TAS2R1: variants seen among roughly 807,000 people sequenced by gnomAD.
The protein encoded by TAS2R1 is taste receptor type 2 member 1.
For synonymous variants in TAS2R1, 141 were observed against 134.2 expected, an observed-to-expected ratio of 1.05 and a Z score of -0.35; for missense variants, 370 against 353.4, an observed-to-expected ratio of 1.05 and a Z score of -0.38.
the TAS2R1 span, among the ~76,000 whole-genome samples, chr5:9,859,541 GT>G: frequency 6.6e-6 from 1 of 152,110 alleles, no homozygotes; most frequent in Admixed American, 6.5e-5. Context: ...TGATTATTGC[GT>G]TCTGCTCTTG....
the TAS2R1 span, among the ~76,000 whole-genome samples, chr5:9,844,186 G>C: frequency 6.6e-6 from 1 of 152,184 alleles, no homozygotes; most frequent in South Asian, 2.1e-4. Flanking sequence ...GGAGGGCTGA[G>C]ATCATGGAGA....
At chr5:9,830,334 T>C in the TAS2R1 span, among the ~76,000 whole-genome samples, 1 of 152,092 alleles carries the variant, frequency 6.6e-6, no homozygotes, top group African/African-American at 2.4e-5. Context: ...GGTAGGTAGA[T>C]AGTTGACAGA....
upstream of TAS2R1, among the ~76,000 whole-genome samples, chr5:9,716,720 G>A (rs1268053257): frequency 2.0e-5 from 3 of 151,998 alleles, no homozygotes; most frequent in African/African-American, 4.8e-5. Context: ...TCTTTGTACT[G>A]TAATCTATGA....
At position 9,638,632 on chromosome 5, in the gene TAS2R1, G is replaced by T. The variant is rs1310199457; in HGVS notation, c.-80-8640C>A. On this transcript the variant is annotated intron_variant, in intron 2 of 2. Coordinates refer to the TAS2R1 transcript ENST00000506620. ...GGGGCTGTAAGCTTGCCCTAAGATG[G>T]CCAGGGTAATTATTTTGGTTTCTCA... 3.9e-5 allele frequency among the ~76,000 whole-genome samples: 6 copies of T among 152,272 alleles called. No homozygotes were observed. In the South Asian group the frequency reaches 1.0e-3, roughly 26 times the overall value.
the TAS2R1 span, among the ~76,000 whole-genome samples, chr5:9,799,080 C>G: frequency 6.6e-6 from 1 of 152,212 alleles, no homozygotes; most frequent in African/African-American, 2.4e-5. Flanking sequence ...TGCAGCAGGA[C>G]AGTGCCTCCC....
At chr5:9,717,688 GA>G in the TAS2R1 span, among the ~76,000 whole-genome samples, 2 of 151,230 alleles carry the variant, frequency 1.3e-5, no homozygotes, top group African/African-American at 4.8e-5. Context: ...AGGAAAAGAT[GA>G]AAAAAAAGAA....
chr5:9,702,570 C>T (rs568521499), intron 1 of TAS2R1, among the ~76,000 whole-genome samples: 1 of 152,160 alleles, frequency 6.6e-6, no homozygotes, highest in Non-Finnish European at 1.5e-5. Flanking sequence ...CCGGCTGAGC[C>T]TGGCCTAAAT....
chr5:9,698,921 T>C (rs1349830841), intron 1 of TAS2R1, among the ~76,000 whole-genome samples: 1 of 152,194 alleles, frequency 6.6e-6, no homozygotes, highest in Non-Finnish European at 1.5e-5. Flanking sequence ...ATACAGCATA[T>C]AAAGCATATA....
the TAS2R1 span, among the ~76,000 whole-genome samples, chr5:9,730,688 T>C: frequency 3.9e-5 from 6 of 152,108 alleles, no homozygotes; most frequent in Admixed American, 1.3e-4. Context: ...CACCAGGGCA[T>C]GAAGAGTGGC....
At chr5:9,657,909 C>T (rs1740446897) in intron 2 of TAS2R1, among the ~76,000 whole-genome samples, 1 of 152,130 alleles carries the variant, frequency 6.6e-6, no homozygotes, top group Non-Finnish European at 1.5e-5. Context: ...TTTACTGTAA[C>T]TTAAACAACA....
intron 2 of TAS2R1, among the ~76,000 whole-genome samples, chr5:9,645,268 T>C (rs1740164805): frequency 6.6e-6 from 1 of 152,160 alleles, no homozygotes; most frequent in African/African-American, 2.4e-5. Flanking sequence ...CTTTAGAGAT[T>C]ATTAAGTTGA....
At chr5:9,743,825 G>A in the TAS2R1 span, among the ~76,000 whole-genome samples, 2 of 152,122 alleles carry the variant, frequency 1.3e-5, no homozygotes, top group Non-Finnish European at 2.9e-5. Flanking sequence ...CAAGTGAGGA[G>A]GAGGAGGAGA....
At chr5:9,877,656 T>C in the TAS2R1 span, among the ~76,000 whole-genome samples, 18 of 152,230 alleles carry the variant, frequency 1.2e-4, no homozygotes, top group African/African-American at 3.9e-4. Flanking sequence ...AAGTGCTGTC[T>C]CTGGGTAAAT....
chr5:9,727,362 C>T, the TAS2R1 span, among the ~76,000 whole-genome samples: 2 of 152,272 alleles, frequency 1.3e-5, no homozygotes, highest in Admixed American at 6.5e-5. Context: ...TAACACTTTT[C>T]GGAGTTAACT....
chr5:9,693,762 C>A (rs1275501476), intron 1 of TAS2R1, among the ~76,000 whole-genome samples: 1 of 151,988 alleles, frequency 6.6e-6, no homozygotes, highest in African/African-American at 2.4e-5. Context: ...AGACTGCCGA[C>A]TACGTTGCCT....
chr5:9,890,917 A>G, the TAS2R1 span, among the ~76,000 whole-genome samples: 1 of 152,202 alleles, frequency 6.6e-6, no homozygotes, highest in Admixed American at 6.5e-5. Flanking sequence ...CTGGTCTTCC[A>G]TGTGGACATC....
At chr5:9,648,343 T>A (rs1005432388) in intron 2 of TAS2R1, among the ~76,000 whole-genome samples, 1 of 152,246 alleles carries the variant, frequency 6.6e-6, no homozygotes, top group East Asian at 1.9e-4. Flanking sequence ...GAAATCTGTT[T>A]TTATGCCTTT....
At chr5:9,811,991 C>A in the TAS2R1 span, among the ~76,000 whole-genome samples, 2 of 152,244 alleles carry the variant, frequency 1.3e-5, no homozygotes, top group East Asian at 1.9e-4. Context: ...CTTCCTCCCC[C>A]CGCATTGCTT....
the TAS2R1 span, among the ~76,000 whole-genome samples, chr5:9,730,742 T>C: frequency 2.0e-5 from 3 of 152,144 alleles, no homozygotes; most frequent in Non-Finnish European, 4.4e-5. Flanking sequence ...TCATTTATAC[T>C]GTAGCTCCCA....
Sources: gnomAD v4.1 joint callset for allele counts (sites outside exome capture counted in the v4.1 genomes callset) on GRCh38, gnomAD v4.1.1 for gene constraint, MANE v1.5 for transcripts, NCBI Gene and HGNC (gene_info 2026-07-23, HGNC 2026-07-21) for gene names.